SYNPO2: variants seen among roughly 807,000 people sequenced by gnomAD.
SYNPO2 encodes the protein synaptopodin 2, also known as synaptopodin-2.
In SYNPO2, 56 loss-of-function variants were observed where a neutral mutation model predicts 85.0. The ratio of observed to expected loss-of-function variants is 0.66; its 90% CI spans 0.53 to 0.82. SYNPO2 has a LOEUF of 0.82. Among genes scored for constraint, SYNPO2 ranks in the 40% least tolerant of loss-of-function variants. The pLI is 0.00. For synonymous variants in SYNPO2, 602 were observed against 591.1 expected, an observed-to-expected ratio of 1.02 and a Z score of -0.27; for missense variants, 1,575 against 1,534.2, an observed-to-expected ratio of 1.03 and a Z score of -0.44.
At chr4:118,913,594 T>TGC (rs1733212170) in intron 1 of SYNPO2, among the ~76,000 whole-genome samples, 1 of 151,080 alleles carries the variant, frequency 6.6e-6, no homozygotes, top group South Asian at 2.1e-4. Flanking sequence ...TGTGTGTGTG[T>TGC]GTGCAGCAGA....
At chr4:118,904,478 C>A (rs1033707725) in intron 1 of SYNPO2, among the ~76,000 whole-genome samples, 4 of 152,046 alleles carry the variant, frequency 2.6e-5, no homozygotes, top group Admixed American at 2.6e-4. Flanking sequence ...TGGAAATCAT[C>A]ACGAAGAGAA....
chr4:118,904,144 C>G (rs2149120581), intron 1 of SYNPO2, among the ~76,000 whole-genome samples: 1 of 152,318 alleles, frequency 6.6e-6, no homozygotes, highest in South Asian at 2.1e-4. Context: ...TCATTTGTAA[C>G]ATGGGGATAG....
intron 1 of SYNPO2, among the ~76,000 whole-genome samples, chr4:118,872,944 G>A (rs578240552): frequency 6.6e-6 from 1 of 152,178 alleles, no homozygotes; most frequent in South Asian, 2.1e-4. Context: ...TGTCTGAGTT[G>A]TTTCACTTGA....
rs763760462 is a variant in SYNPO2, at chr4:119,027,169, A to T, written c.800A>T (p.Glu267Val). The T allele has an allele frequency of 6.2e-7, 1 of 1,614,100 alleles. No homozygotes were observed. The highest frequency in any genetic ancestry group is 1.1e-5 in the South Asian group (1 of 91,078). The change falls in exon 3 of 5, where the codon GAG (glutamate) becomes GTG (valine). Residue 267 changes from glutamate to valine, a missense_variant. Around this residue, in one of 3 missense-constraint regions of SYNPO2, gnomAD observed 1,508 missense variants for 1,446.8 expected, o/e 1.04. Coordinates refer to ENST00000307142, the MANE Select transcript of SYNPO2 (RefSeq NM_133477.3). ...SKIIQISSGRELRVIQESEAG... is the reference protein window; with the variant it reads ...SKIIQISSGRVLRVIQESEAG... ...ATAATCCAGATCTCCAGTGGCAGAG[A>T]GTTGAGAGTGATCCAGGAAAGTGAA...
chr4:119,045,990 C>G (rs1738858378), intron 4 of SYNPO2, among the ~76,000 whole-genome samples: 1 of 152,078 alleles, frequency 6.6e-6, no homozygotes, highest in African/African-American at 2.4e-5. Context: ...CTTTACTTCT[C>G]CAACTTCCCT....
chr4:119,023,356 G>C lies in SYNPO2; in HGVS notation c.106-74G>C, dbSNP rs1737812676. 3.4e-6 allele frequency: 5 copies of C among 1,469,548 alleles called. No homozygotes were observed. In the Middle Eastern group the frequency reaches 5.6e-4, roughly 165 times the overall value. The allele number at this position is 1,469,548 out of a possible 1,614,324, so 91.0% of individuals were successfully genotyped here. A position where few individuals can be genotyped will look rare whatever the true frequency, so the allele number is the denominator to read the frequency against. ...GGCTGGTGTTACTGTTGACAGATTT[G>C]TTTCTCAGAGATGGTGGCTTGCTTT... On this transcript the variant is annotated intron_variant, in intron 1 of 4. Transcript: ENST00000307142.
chr4:119,043,865 G>A (rs995934051), intron 4 of SYNPO2: 1 of 146,950 alleles, frequency 6.8e-6, no homozygotes, highest in Admixed American at 7.1e-5. Context: ...TTGAACCTGG[G>A]GAGCAGAGGT....
rs1201637760 is a variant in SYNPO2 at position 119,007,234 on chromosome 4, A to G, written c.106-16196A>G. Among the ~76,000 whole-genome samples, 55 of 50,644 alleles carry G rather than the reference A, an allele frequency of 1.1e-3. 1 individual carries two copies. The highest frequency in any genetic ancestry group is 3.2e-3 in the African/African-American group (36 of 11,248). The allele number at this position is 50,644 out of a possible 152,430, so 33.2% of individuals were successfully genotyped here. A position where few individuals can be genotyped will look rare whatever the true frequency, so the allele number is the denominator to read the frequency against. On this transcript the variant is annotated intron_variant, in intron 1 of 4. Transcript: ENST00000307142. ...AACAAAGGTATATATATATATATAT[A>G]TATATATATATGTATATACATATAT...
chr4:119,035,503 G>C (rs1469424834), intron 4 of SYNPO2: 3 of 985,252 alleles, frequency 3.0e-6, no homozygotes, highest in Non-Finnish European at 3.6e-6. Flanking sequence ...TTAGGAACGT[G>C]TTTTGTAAGA....
chr4:118,881,618 C>T (rs1484692034), intron 1 of SYNPO2, among the ~76,000 whole-genome samples: 3 of 152,230 alleles, frequency 2.0e-5, no homozygotes, highest in Admixed American at 6.5e-5. Context: ...GGAGCGTCCC[C>T]TTACGACTGC....
At chr4:118,946,693 G>T (rs138440888) in intron 1 of SYNPO2, among the ~76,000 whole-genome samples, 7 of 152,058 alleles carry the variant, frequency 4.6e-5, no homozygotes, top group African/African-American at 1.5e-4. Flanking sequence ...TATTGTTAGA[G>T]ATTGTAAAGT....
intron 1 of SYNPO2, among the ~76,000 whole-genome samples, chr4:118,985,765 G>A (rs1736194208): frequency 6.6e-6 from 1 of 152,216 alleles, no homozygotes; most frequent in Non-Finnish European, 1.5e-5. Flanking sequence ...TGTCCTTACA[G>A]TATCCCTGAT....
chr4:119,036,585 G>T (rs1654979982), intron 4 of SYNPO2: 5 of 985,466 alleles, frequency 5.1e-6, no homozygotes, highest in Non-Finnish European at 6.0e-6. Context: ...TAAGAAGCCA[G>T]TTACTGTCAT....
intron 1 of SYNPO2, among the ~76,000 whole-genome samples, chr4:118,935,280 C>A (rs1578564534): frequency 6.6e-6 from 1 of 152,112 alleles, no homozygotes; most frequent in South Asian, 2.1e-4. Flanking sequence ...CTGAATAAGC[C>A]AGTCTCAGAA....
Position 119,030,210 on chromosome 4 carries a change from G to A in SYNPO2, c.1435G>A (p.Asp479Asn). Residue 479 changes from aspartate (D) to asparagine (N), a missense_variant, in exon 4 of 5, where the codon GAC (aspartate) becomes AAC (asparagine). By Grantham distance (23) the Asp-to-Asn change is conservative. Around this residue, in one of 3 missense-constraint regions of SYNPO2, gnomAD observed 1,508 missense variants for 1,446.8 expected, o/e 1.04. Transcript: ENST00000307142. ...CATTGAAAAGAAACTGAACAGAGGG[G>A]ACAAGATGGAGATGTTACCAGACAC... ...VDIEKKLNRG[D>N]KMEMLPDTTG... The A allele has an allele frequency of 1.2e-6, 2 of 1,614,048 alleles. No individual in the cohort carries two copies. The highest frequency in any genetic ancestry group is 1.7e-6 in the Non-Finnish European group (2 of 1,180,000).
At chr4:119,009,405 T>C (rs1251274368) in intron 1 of SYNPO2, among the ~76,000 whole-genome samples, 1 of 152,202 alleles carries the variant, frequency 6.6e-6, no homozygotes, top group East Asian at 1.9e-4. Context: ...ATAATGATCA[T>C]AGACTTATCT....
At chr4:118,985,357 T>G (rs1736180088) in intron 1 of SYNPO2, among the ~76,000 whole-genome samples, 1 of 152,234 alleles carries the variant, frequency 6.6e-6, no homozygotes. Flanking sequence ...TGTCTCTCCT[T>G]TCAGAAGACA....
At chr4:118,946,219 T>C (rs1241970526) in intron 1 of SYNPO2, among the ~76,000 whole-genome samples, 3 of 152,172 alleles carry the variant, frequency 2.0e-5, no homozygotes, top group Admixed American at 6.5e-5. Context: ...CATGAAATAC[T>C]GTAAGTGGGT....
chr4:118,978,518 T>C (rs1477021351), intron 1 of SYNPO2, among the ~76,000 whole-genome samples: 1 of 152,184 alleles, frequency 6.6e-6, no homozygotes, highest in African/African-American at 2.4e-5. Flanking sequence ...CGTCACCAGT[T>C]GGCTTATGAA....
Sources: gnomAD v4.1 joint callset for allele counts (sites outside exome capture counted in the v4.1 genomes callset) on GRCh38, gnomAD v4.1.1 for gene constraint, gnomAD v4.1.1 regional missense constraint, MANE v1.5 for transcripts, NCBI Gene and HGNC (gene_info 2026-07-23, HGNC 2026-07-21) for gene names.